The following PLCH2 variants were observed in gnomAD, a reference collection of about 807,000 sequenced individuals.
PLCH2 encodes the protein 1-phosphatidylinositol 4,5-bisphosphate phosphodiesterase eta-2.
Under a neutral mutation model 134.7 loss-of-function variants are expected in PLCH2, and 98 were observed. The observed-to-expected ratio is 0.73, with a 90% confidence interval of 0.62 to 0.86. PLCH2 has a LOEUF of 0.86. Ranked by LOEUF, PLCH2 falls within the 40% of genes least tolerant of loss-of-function variation. The pLI, the probability that PLCH2 is intolerant of heterozygous loss-of-function variation, is 0.00. For synonymous variants in PLCH2, 974 were observed against 827.5 expected, an observed-to-expected ratio of 1.18 and a Z score of -3.04; for missense variants, 1,994 against 1,986.6, an observed-to-expected ratio of 1.00 and a Z score of -0.07.
chr1:2,438,990 G>C (rs1253532796), intron 2 of PLCH2, among the ~76,000 whole-genome samples: 1 of 152,230 alleles, frequency 6.6e-6, no homozygotes, highest in East Asian at 1.9e-4. Flanking sequence ...CTGGCCACAT[G>C]GGTGGCTCCA....
rs570688933 is a variant in PLCH2, at chr1:2,478,675, C to T, written c.271+53C>T. The T allele has an allele frequency of 5.2e-4, 789 of 1,525,752 alleles. 5 individuals are homozygous for T. In the South Asian group the frequency reaches 7.8e-3, roughly 15 times the overall value. The allele number at this position is 1,525,752 out of a possible 1,614,324, so 94.5% of individuals were successfully genotyped here. A position where few individuals can be genotyped will look rare whatever the true frequency, so the allele number is the denominator to read the frequency against. On this transcript the variant is annotated intron_variant, in intron 2 of 21. Coordinates refer to ENST00000378486, the MANE Select transcript of PLCH2 (RefSeq NM_014638.4). ...AATCAGAGTCCCTGGGGGGACACGA[C>T]GGTAGGGACCCTCCCAGGGCAGCCA... is the stretch of plus-strand genomic sequence containing the variant.
intron 5 of PLCH2, 142 bp from the exon 6 acceptor site, chr1:2,486,765 C>G (rs1174037750): frequency 2.3e-5 from 16 of 684,060 alleles, no homozygotes; most frequent in Non-Finnish European, 3.6e-5. Context: ...AGTCCCAAGT[C>G]ATGTGACACT....
In PLCH2 at chr1:2,479,814, C is replaced by A. The variant is rs1475021423; in HGVS notation, c.352C>A (p.Pro118Thr). The change falls in exon 3 of 22, where the codon CCC (proline) becomes ACC (threonine). Residue 118 changes from proline to threonine, a missense_variant. Physicochemically the swap from Pro to Thr is conservative, Grantham distance 38. This residue lies in a region of PLCH2 where 1,094 missense variants were observed against 1,234.3 expected (regional missense o/e 0.89). Coordinates refer to ENST00000378486, the MANE Select transcript of PLCH2 (RefSeq NM_014638.4). ...FQRYPDGSFD[P>T]NCCFSIYHGS... ...GCGCTACCCTGACGGCAGCTTCGAC[C>A]CCAACTGCTGCTTCAGCATCTACCA... 20 of 1,601,800 alleles carry A rather than the reference C, an allele frequency of 1.2e-5. No homozygotes were observed. Among genetic ancestry groups the A allele is most frequent in the Non-Finnish European group, 1.6e-5 (19 of 1,175,062 alleles).
chr1:2,464,352 G>T (rs1640958648), upstream of PLCH2, among the ~76,000 whole-genome samples: 1 of 152,212 alleles, frequency 6.6e-6, no homozygotes, highest in Non-Finnish European at 1.5e-5. Context: ...GTCACCTGCG[G>T]GCTCAGAATT....
chr1:2,462,462 C>G (rs1640871442), upstream of PLCH2, among the ~76,000 whole-genome samples: 1 of 148,194 alleles, frequency 6.7e-6, no homozygotes, highest in African/African-American at 2.5e-5. Flanking sequence ...CCATCTGACA[C>G]CCTTCCACCT....
upstream of PLCH2, among the ~76,000 whole-genome samples, chr1:2,463,914 G>A (rs1288979864): frequency 6.6e-6 from 1 of 152,234 alleles, no homozygotes; most frequent in African/African-American, 2.4e-5. Context: ...ACACAGAGTC[G>A]GGCAGAGTCA....
upstream of PLCH2, among the ~76,000 whole-genome samples, chr1:2,424,840 G>T (rs1458529033): frequency 6.6e-6 from 1 of 152,166 alleles, no homozygotes; most frequent in Non-Finnish European, 1.5e-5. Context: ...AAAAAAATTA[G>T]CTGGGCATGG....
In PLCH2 at chr1:2,496,933, G is replaced by T; in HGVS notation, c.2039G>T (p.Arg680Leu). 1 of 1,613,312 alleles carries T rather than the reference G, an allele frequency of 6.2e-7. No individual in the cohort carries two copies. Among genetic ancestry groups the T allele is most frequent in the South Asian group, 1.1e-5 (1 of 91,086 alleles). Residue 680 changes from arginine to leucine, a missense_variant, in exon 15 of 22, where the codon CGC becomes CTC. Transcript: ENST00000378486. ...CGCTTCAACCAGCAGCAGCTCTCCC[G>T]CATCTACCCCTCCTCCTACCGTGTG... ...YLRFNQQQLS[R>L]IYPSSYRVDS...
chr1:2,491,014 G>T (rs1642545660), intron 10 of PLCH2, among the ~76,000 whole-genome samples, 178 bp from the exon 11 acceptor site: 1 of 152,246 alleles, frequency 6.6e-6, no homozygotes, highest in Non-Finnish European at 1.5e-5. Flanking sequence ...CGTGCTGCTG[G>T]AGGAGTCGGG....
rs1223938790 is a variant in PLCH2 at position 2,487,230 on chromosome 1, A to G, written c.968A>G (p.His323Arg). ...AGDIFNPEHH[H>R]VHQDMTQPLS... is the part of the protein sequence containing the mutation. The stretch of plus-strand genomic sequence containing the variant: ...GACATCTTCAACCCTGAGCACCACC[A>G]TGTGCACCAGGACATGACGCAGCCG... The change falls in exon 7 of 22, where the codon CAT becomes CGT. Residue 323 changes from histidine to arginine, a missense_variant. By Grantham distance (29) the His-to-Arg change is conservative (BLOSUM62 0). Around this residue, in one of 2 missense-constraint regions of PLCH2, gnomAD observed 1,094 missense variants for 1,234.3 expected, o/e 0.89. Coordinates refer to ENST00000378486, the MANE Select transcript of PLCH2 (RefSeq NM_014638.4). 4 of 1,606,024 alleles carry G rather than the reference A, an allele frequency of 2.5e-6. No homozygotes were observed. The highest frequency in any genetic ancestry group is 3.4e-5 in the Admixed American group (2 of 58,638).
intron 3 of PLCH2, 51 bp from the exon 4 acceptor site, chr1:2,480,132 G>T (rs774536772): frequency 1.3e-5 from 21 of 1,606,218 alleles, no homozygotes; most frequent in Non-Finnish European, 1.8e-5. Flanking sequence ...GAGGGTGGAG[G>T]TGTCAGGGCT....
chr1:2,420,766 G>A, the PLCH2 span, among the ~76,000 whole-genome samples: 5 of 152,216 alleles, frequency 3.3e-5, no homozygotes, highest in Non-Finnish European at 7.3e-5. Flanking sequence ...TTGGAGGGTG[G>A]AGTGAGTGAT....
At chr1:2,468,632 C>T (rs1230632661) in intron 1 of PLCH2, among the ~76,000 whole-genome samples, 2 of 152,250 alleles carry the variant, frequency 1.3e-5, no homozygotes, top group Admixed American at 6.5e-5. Context: ...TCAGGCCAGA[C>T]ACCAGGAGGA....
Position 2,503,903 on chromosome 1 carries a change from C to T in PLCH2, c.2960-19C>T. On this transcript the variant is annotated intron_variant, in intron 21 of 21. Transcript: ENST00000378486. ...TGCTTCTCCCTCTGGCTCTCTCTCA[C>T]TCCCCCACCTCCCCACAGACACCCG... is the stretch of plus-strand genomic sequence containing the variant. The T allele has an allele frequency of 2.8e-6, 2 of 710,800 alleles. No homozygotes were observed. Among genetic ancestry groups the T allele is most frequent in the Middle Eastern group, 2.5e-4 (1 of 3,944 alleles). The allele number at this position is 710,800 out of a possible 1,614,324, so 44.0% of individuals were successfully genotyped here.
In PLCH2 at chr1:2,498,975, G is replaced by A; in HGVS notation, c.2435-109G>A. The A allele has an allele frequency of 7.0e-7, 1 of 1,424,056 alleles. No individual in the cohort carries two copies. 88.2% of individuals were successfully genotyped at this position (1,424,056 alleles called of 1,614,324 possible). Reference sequence around the variant, plus strand: ...CCCCTCTAGGTGGGCAGTCCCGGAAGCAGCACCGGGAGTGGCACTGGGAGT... The same window carrying A: ...CCCCTCTAGGTGGGCAGTCCCGGAAACAGCACCGGGAGTGGCACTGGGAGT... On this transcript the variant is annotated intron_variant, in intron 18 of 21. Transcript: ENST00000378486. This position sits in a 1 kb window ranked among gnomAD's most constrained non-coding sequence, Gnocchi z 5.4.
At chr1:2,450,097 G>C (rs922117219) in intron 2 of PLCH2, among the ~76,000 whole-genome samples, 1 of 152,336 alleles carries the variant, frequency 6.6e-6, no homozygotes, top group African/African-American at 2.4e-5. Context: ...TCCCAGCTGG[G>C]CCCGTCCCCT....
chr1:2,477,629 G>A (rs1463453284), intron 1 of PLCH2, among the ~76,000 whole-genome samples: 4 of 152,108 alleles, frequency 2.6e-5, no homozygotes, highest in Admixed American at 2.6e-4. Flanking sequence ...GGACTCCCTG[G>A]ACCCTGCAGC....
At chr1:2,466,238 C>T (rs533326428), upstream of PLCH2, among the ~76,000 whole-genome samples, 43 of 152,134 alleles carry the variant, frequency 2.8e-4, no homozygotes, top group Non-Finnish European at 4.6e-4. Context: ...CGCAGCTGTG[C>T]CCAGCCAGGC....
chr1:2,495,579 C>A lies in PLCH2; in HGVS notation c.1835+9C>A. 6.5e-7 allele frequency: 1 copy of A among 1,539,866 alleles called. No homozygotes were observed. The highest frequency in any genetic ancestry group is 1.4e-5 in the African/African-American group (1 of 72,810). On this transcript the variant is annotated intron_variant, in intron 13 of 21. Transcript: ENST00000378486. Reference sequence around the variant, plus strand: ...GGAGGCCAGAGCCGAGGGTAGGTGCCCTGCCCCACGGGGAGGCCCCGCACA... The same window carrying A: ...GGAGGCCAGAGCCGAGGGTAGGTGCACTGCCCCACGGGGAGGCCCCGCACA...
Sources: allele counts gnomAD v4.1 joint callset (sites outside exome capture counted in the v4.1 genomes callset), GRCh38; gene constraint gnomAD v4.1.1; regional missense constraint gnomAD v4.1.1; non-coding constraint Gnocchi (gnomAD v3.1); transcripts MANE v1.5; gene names NCBI Gene and HGNC (gene_info 2026-07-23, HGNC 2026-07-21).